Variants in RPTOR observed in about 807,000 individuals in gnomAD.
RPTOR encodes regulatory-associated protein of mTOR.
RPTOR carries 21 observed loss-of-function variants against 169.9 expected under a neutral mutation model. The ratio of observed to expected loss-of-function variants is 0.12; its 90% CI spans 0.09 to 0.18. The LOEUF (loss-of-function observed/expected upper bound fraction) is 0.18. Among genes scored for constraint, RPTOR ranks in the 10% least tolerant of loss-of-function variants. The probability of loss-of-function intolerance (pLI) is 1.00; values close to 1 mark genes in which losing one functional copy is unlikely to be tolerated. For synonymous variants in RPTOR, 732 were observed against 753.2 expected (o/e 0.97, Z 0.46); for missense variants, 1,133 against 1,855.9 (o/e 0.61, Z 7.16).
chr17:80,947,357 C>CG lies in RPTOR; in HGVS notation c.3265+10dup. On this transcript the variant is annotated splice_region_variant and intron_variant, in intron 27 of 33. Transcript: ENST00000306801. The surrounding 1 kb of genome is among the most constrained non-coding windows in gnomAD (Gnocchi z 4.4). ...GCTTCTGCTGACGGCCACAGGTGAG[C>CG]GGGGTTTGCACAGCCAGGATTGGAA... 6.4e-7 allele frequency: 1 copy of CG among 1,555,132 alleles called. No homozygotes were observed. Among genetic ancestry groups the CG allele is most frequent in the Non-Finnish European group, 8.7e-7 (1 of 1,152,812 alleles).
At chr17:80,639,658 A>G (rs975660392) in intron 2 of RPTOR, among the ~76,000 whole-genome samples, 1 of 152,210 alleles carries the variant, frequency 6.6e-6, no homozygotes, top group Admixed American at 6.5e-5. Context: ...AGACTAGGTC[A>G]TTGGTGGCCC....
chr17:80,641,605 G>A (rs1346595272), intron 2 of RPTOR, among the ~76,000 whole-genome samples: 3 of 152,324 alleles, frequency 2.0e-5, no homozygotes, highest in African/African-American at 7.2e-5. Flanking sequence ...GAACGTTTTG[G>A]TGTCCAGTGC....
chr17:80,615,332 G>A (rs963221554), intron 1 of RPTOR, among the ~76,000 whole-genome samples: 2 of 152,146 alleles, frequency 1.3e-5, no homozygotes, highest in African/African-American at 2.4e-5. Context: ...GAGTCTCAGG[G>A]TCTAGAATTG....
chr17:80,619,819 CTG>C (rs1437465622), intron 1 of RPTOR, among the ~76,000 whole-genome samples: 2 of 152,202 alleles, frequency 1.3e-5, no homozygotes, highest in South Asian at 2.1e-4. Flanking sequence ...AAGCTGAACA[CTG>C]TGGAATTTCA....
At chr17:80,768,011 G>A (rs1054600203) in intron 6 of RPTOR, among the ~76,000 whole-genome samples, 5 of 152,072 alleles carry the variant, frequency 3.3e-5, no homozygotes, top group East Asian at 3.9e-4. Flanking sequence ...TTACAGGCAC[G>A]TAACACCATG....
At chr17:80,832,607 G>A (rs755152250) in intron 9 of RPTOR, among the ~76,000 whole-genome samples, 1 of 152,170 alleles carries the variant, frequency 6.6e-6, no homozygotes, top group African/African-American at 2.4e-5. Context: ...AAACAGAATC[G>A]TGCTCTCCTC....
intron 5 of RPTOR, among the ~76,000 whole-genome samples, chr17:80,749,918 A>G (rs2066615079): frequency 6.6e-6 from 1 of 151,858 alleles, no homozygotes; most frequent in African/African-American, 2.4e-5. Flanking sequence ...GTCTTGCCAT[A>G]TTGCCCAGGC....
At chr17:80,698,669 A>T (rs1407564638) in intron 3 of RPTOR, among the ~76,000 whole-genome samples, 1 of 152,198 alleles carries the variant, frequency 6.6e-6, no homozygotes, top group African/African-American at 2.4e-5. Flanking sequence ...TCTATAGACA[A>T]ATGTGCCGCT....
At chr17:80,914,448 T>C (rs927891435) in intron 21 of RPTOR, among the ~76,000 whole-genome samples, 1 of 152,024 alleles carries the variant, frequency 6.6e-6, no homozygotes, top group Non-Finnish European at 1.5e-5. Context: ...GGGCAGGAGC[T>C]CCACCCTCCC....
At chr17:80,606,993 G>A (rs1428571118) in intron 1 of RPTOR, among the ~76,000 whole-genome samples, 2 of 152,212 alleles carry the variant, frequency 1.3e-5, no homozygotes, top group Admixed American at 6.5e-5. Context: ...TGAATCTACA[G>A]TAGGTCGTAT....
chr17:80,838,421 A>G (rs1486144043), intron 10 of RPTOR, among the ~76,000 whole-genome samples: 1 of 152,168 alleles, frequency 6.6e-6, no homozygotes, highest in Non-Finnish European at 1.5e-5. Flanking sequence ...GCCGCACTGC[A>G]CGGGCGCTGG....
chr17:80,830,296 C>T (rs1278509308), intron 9 of RPTOR, among the ~76,000 whole-genome samples: 3 of 152,270 alleles, frequency 2.0e-5, no homozygotes, highest in East Asian at 1.9e-4. Flanking sequence ...GTTCCGACCC[C>T]GCCCCGCCCC....
rs2066572754 is a variant in RPTOR at position 80,746,230 on chromosome 17, ATCCCC to A, written c.655-7779_655-7775del. The stretch of plus-strand genomic sequence containing the variant: ...CCCACAGCGGTGCTTTCTGCGGGTG[ATCCCC>A]ACCGCCCCCACAGCGGTGCTTTCTG... On this transcript the variant is annotated intron_variant, in intron 5 of 33. Coordinates refer to ENST00000306801, the MANE Select transcript of RPTOR (RefSeq NM_020761.3). This position sits in a 1 kb window ranked among gnomAD's most constrained non-coding sequence, Gnocchi z 4.5. Among the ~76,000 whole-genome samples the A allele has an allele frequency of 7.3e-6, 1 of 137,490 alleles. No homozygotes were observed. Among genetic ancestry groups the A allele is most frequent in the African/African-American group, 2.6e-5 (1 of 38,054 alleles). 90.2% of individuals were successfully genotyped at this position (137,490 alleles called of 152,430 possible).
chr17:80,877,209 T>C (rs1413982650), intron 13 of RPTOR, among the ~76,000 whole-genome samples: 1 of 152,146 alleles, frequency 6.6e-6, no homozygotes, highest in Non-Finnish European at 1.5e-5. Flanking sequence ...TTTGGGCGAG[T>C]GAGCAGCAGC....
At chr17:80,840,234 G>A (rs186938624) in intron 10 of RPTOR, among the ~76,000 whole-genome samples, 78 of 152,270 alleles carry the variant, frequency 5.1e-4, no homozygotes, top group African/African-American at 1.9e-3. Context: ...GCAGGGTGTA[G>A]TCTTTGTGCC....
In RPTOR at chr17:80,940,566, G is replaced by A. The variant is rs543153955; in HGVS notation, c.2990G>A (p.Arg997His). 1.0e-4 allele frequency: 166 copies of A among 1,612,860 alleles called. 1 individual carries two copies. In the South Asian group the frequency reaches 1.4e-3, roughly 13 times the overall value. ...EREWRFLRNS[R>H]VRRQAQQVIQ... is the part of the protein sequence containing the mutation. ...GAGTGGCGGTTCCTGCGAAACAGCC[G>A]TGTCAGGAGGCAGGCCCAGCAAGTC... is the stretch of plus-strand genomic sequence containing the variant. Residue 997 changes from arginine to histidine, a missense_variant, in exon 25 of 34, where the codon CGT becomes CAT. Arg to His is a conservative substitution (Grantham distance 29). Transcript: ENST00000306801.
intron 3 of RPTOR, among the ~76,000 whole-genome samples, chr17:80,648,088 C>G (rs1320238410): frequency 6.6e-6 from 1 of 152,158 alleles, no homozygotes; most frequent in African/African-American, 2.4e-5. Flanking sequence ...AACAAAACAG[C>G]TCCCAAGATC....
chr17:80,858,671 G>A (rs2067883246), intron 13 of RPTOR, among the ~76,000 whole-genome samples: 1 of 152,116 alleles, frequency 6.6e-6, no homozygotes, highest in Admixed American at 6.5e-5. Flanking sequence ...GCGAGACCCG[G>A]CCTATGCTGA....
At chr17:80,720,964 G>A (rs1013435565) in intron 4 of RPTOR, among the ~76,000 whole-genome samples, 3 of 151,136 alleles carry the variant, frequency 2.0e-5, no homozygotes, top group Admixed American at 6.6e-5. Context: ...TGCTTCTTAC[G>A]TGTCGGGAGA....
Sources: allele counts gnomAD v4.1 joint callset (sites outside exome capture counted in the v4.1 genomes callset), GRCh38; gene constraint gnomAD v4.1.1; non-coding constraint Gnocchi (gnomAD v3.1); transcripts MANE v1.5; gene names NCBI Gene and HGNC (gene_info 2026-07-23, HGNC 2026-07-21).